The following NELL1 variants were observed in gnomAD, a reference collection of about 807,000 sequenced individuals.
NELL1 encodes neural EGFL like 1.
Under a neutral mutation model 107.4 loss-of-function variants are expected in NELL1, and 76 were observed. That is an observed-to-expected ratio of 0.71 (90% confidence interval 0.59 to 0.86). The LOEUF is 0.86. NELL1 is among the 40% of genes least tolerant of loss of function. NELL1 has a pLI of 0.00. For synonymous variants in NELL1, 353 were observed against 341.2 expected, an observed-to-expected ratio of 1.03 and a Z score of -0.38; for missense variants, 1,024 against 1,005.5, an observed-to-expected ratio of 1.02 and a Z score of -0.25.
chr11:21,097,712 G>A (rs916551534), intron 12 of NELL1, among the ~76,000 whole-genome samples: 1 of 152,100 alleles, frequency 6.6e-6, no homozygotes, highest in African/African-American at 2.4e-5. Flanking sequence ...TGAGAACAAA[G>A]GATAAGGAAG....
At chr11:21,047,111 A>T (rs1191827722) in intron 12 of NELL1, among the ~76,000 whole-genome samples, 1 of 152,158 alleles carries the variant, frequency 6.6e-6, no homozygotes, top group Non-Finnish European at 1.5e-5. Context: ...AGACTGGAGG[A>T]TCCCTGATAA....
intron 14 of NELL1, among the ~76,000 whole-genome samples, chr11:21,231,273 C>T (rs1480127609): frequency 2.6e-5 from 4 of 152,008 alleles, no homozygotes; most frequent in Non-Finnish European, 5.9e-5. Flanking sequence ...TGGAAACATG[C>T]AAACTAGTCA....
chr11:21,053,385 C>T (rs1372055434), intron 12 of NELL1, among the ~76,000 whole-genome samples: 1 of 152,050 alleles, frequency 6.6e-6, no homozygotes, highest in East Asian at 1.9e-4. Context: ...GTTTTCTGTT[C>T]TTGTGTTAGT....
intron 4 of NELL1, among the ~76,000 whole-genome samples, chr11:20,878,676 TGTCAC>T (rs1399973629): frequency 1.3e-5 from 2 of 152,222 alleles, no homozygotes; most frequent in Non-Finnish European, 2.9e-5. Flanking sequence ...TAATGTAAAG[TGTCAC>T]ATTTGACTAT....
intron 2 of NELL1, among the ~76,000 whole-genome samples, chr11:20,706,435 G>A (rs149004176): frequency 4.0e-4 from 60 of 148,792 alleles, no homozygotes; most frequent in East Asian, 3.7e-3. Flanking sequence ...ACCAAACACC[G>A]CATGTTTTTA....
intron 2 of NELL1, among the ~76,000 whole-genome samples, chr11:20,762,642 G>A (rs1856446653): frequency 6.6e-6 from 1 of 152,224 alleles, no homozygotes. Flanking sequence ...CAGACTCCAT[G>A]CGTATGGTGA....
intron 15 of NELL1, among the ~76,000 whole-genome samples, chr11:21,371,657 A>G (rs1851360821): frequency 6.6e-6 from 1 of 151,996 alleles, no homozygotes; most frequent in Non-Finnish European, 1.5e-5. Context: ...AAAAGTGAAT[A>G]TTTCAGTTTG....
At chr11:21,364,823 G>A (rs1851179476) in intron 14 of NELL1, among the ~76,000 whole-genome samples, 1 of 152,204 alleles carries the variant, frequency 6.6e-6, no homozygotes, top group Admixed American at 6.5e-5. Context: ...AGGGAGATGA[G>A]AAGGTGAAGG....
chr11:21,273,082 G>A (rs1165834257), intron 14 of NELL1, among the ~76,000 whole-genome samples: 1 of 152,156 alleles, frequency 6.6e-6, no homozygotes, highest in Non-Finnish European at 1.5e-5. Flanking sequence ...AGAGAAGAAG[G>A]CTTCAGACGA....
At chr11:21,468,237 A>G (rs966045321) in intron 15 of NELL1, among the ~76,000 whole-genome samples, 9 of 152,086 alleles carry the variant, frequency 5.9e-5, no homozygotes, top group Middle Eastern at 3.2e-3. Flanking sequence ...CAAAATTCTT[A>G]GAATTTATTC....
chr11:21,493,391 G>T (rs1854883505), intron 15 of NELL1, among the ~76,000 whole-genome samples: 1 of 152,048 alleles, frequency 6.6e-6, no homozygotes, highest in East Asian at 1.9e-4. Context: ...ACACTATGAA[G>T]TACTATTTCT....
chr11:20,726,444 G>GAA (rs71063662), intron 2 of NELL1, among the ~76,000 whole-genome samples: 18,203 of 151,850 alleles, frequency 0.12, 1,190 homozygotes, highest in Non-Finnish European at 0.15. Context: ...ACTAGCACCG[G>GAA]AAAAGATAAC....
At chr11:20,776,299 TGTG>T (rs1193085428) in intron 2 of NELL1, among the ~76,000 whole-genome samples, 1 of 151,734 alleles carries the variant, frequency 6.6e-6, no homozygotes, top group African/African-American at 2.4e-5. Context: ...ATTAGCCAGG[TGTG>T]GTGATGGGCG....
chr11:21,097,143 G>A (rs189567631), intron 12 of NELL1, among the ~76,000 whole-genome samples: 24 of 151,984 alleles, frequency 1.6e-4, no homozygotes, highest in Admixed American at 1.4e-3. Context: ...TCATCAACTC[G>A]CTGCAGCCAG....
chr11:21,222,470 A>C (rs1857783109), intron 13 of NELL1, among the ~76,000 whole-genome samples: 1 of 151,916 alleles, frequency 6.6e-6, no homozygotes, highest in Admixed American at 6.6e-5. Flanking sequence ...TGCTGGGATT[A>C]CAGGCGTGAG....
At chr11:21,342,898 T>C (rs1238138066) in intron 14 of NELL1, among the ~76,000 whole-genome samples, 1 of 152,150 alleles carries the variant, frequency 6.6e-6, no homozygotes, top group East Asian at 1.9e-4. Context: ...GCAGAAATGT[T>C]GACTGTGTTT....
intron 2 of NELL1, among the ~76,000 whole-genome samples, chr11:20,707,098 C>T (rs182827500): frequency 7.6e-4 from 115 of 152,304 alleles, no homozygotes; most frequent in Middle Eastern, 3.4e-3. Flanking sequence ...CTTCTCGCTT[C>T]ATTTCATTCA....
In NELL1 at chr11:20,823,604, G is replaced by A. The variant is rs188036923; in HGVS notation, c.336-23979G>A. The stretch of plus-strand genomic sequence containing the variant: ...TGGAGAGCTTTTAAATATAAAATTC[G>A]GAAATTGTTATAAAATCTCCTGAAT... On this transcript the variant is annotated intron_variant, in intron 3 of 19. Transcript: ENST00000357134. Among the ~76,000 whole-genome samples, 42 of 151,380 alleles carry A rather than the reference G, an allele frequency of 2.8e-4. No individual in the cohort carries two copies. The East Asian group carries it at 4.4e-3, about 16-fold the overall frequency.
chr11:21,225,931 A>C (rs1215989532), intron 13 of NELL1, among the ~76,000 whole-genome samples: 1 of 152,190 alleles, frequency 6.6e-6, no homozygotes, highest in Non-Finnish European at 1.5e-5. Flanking sequence ...TAAGACAGAG[A>C]GGTTGGGTAA....
Sources: gnomAD v4.1 joint callset for allele counts (sites outside exome capture counted in the v4.1 genomes callset) on GRCh38, gnomAD v4.1.1 for gene constraint, MANE v1.5 for transcripts, NCBI Gene and HGNC (gene_info 2026-07-23, HGNC 2026-07-21) for gene names.